The following NLGN1 variants were observed in gnomAD, a reference collection of about 807,000 sequenced individuals.
NLGN1 encodes the protein neuroligin-1.
NLGN1 carries 12 observed loss-of-function variants against 65.5 expected under a neutral mutation model. That is an observed-to-expected ratio of 0.18 (90% CI 0.12 to 0.30). The LOEUF is 0.30. NLGN1 is among the 10% of genes least tolerant of loss of function. The probability of loss-of-function intolerance (pLI) is 1.00; values close to 1 mark genes in which losing one functional copy is unlikely to be tolerated. For missense variants in NLGN1, 750 were observed against 1,007.1 expected, an observed-to-expected ratio of 0.74 and a Z score of 3.46; for synonymous variants, 350 against 359.5, an observed-to-expected ratio of 0.97 and a Z score of 0.30.
intron 4 of NLGN1, among the ~76,000 whole-genome samples, chr3:173,970,449 G>C (rs1715973536): frequency 6.6e-6 from 1 of 152,068 alleles, no homozygotes; most frequent in Non-Finnish European, 1.5e-5. Context: ...CGGAAGTTCA[G>C]TGTGGCTGCA....
chr3:173,738,035 C>T (rs977439389), intron 3 of NLGN1, among the ~76,000 whole-genome samples: 1 of 151,898 alleles, frequency 6.6e-6, no homozygotes, highest in African/African-American at 2.4e-5. Flanking sequence ...TGCTTGTTGG[C>T]CATTTCTATA....
At chr3:174,282,966 A>G (rs1751715350) in exon 7 of NLGN1, 1 of 152,020 alleles carries the variant, frequency 6.6e-6, no homozygotes, top group Non-Finnish European at 1.5e-5. Flanking sequence ...ATTGTATACT[A>G]CTTGATGGAA....
intron 3 of NLGN1, among the ~76,000 whole-genome samples, chr3:173,751,326 G>A (rs1466859964): frequency 6.6e-6 from 1 of 151,930 alleles, no homozygotes; most frequent in African/African-American, 2.4e-5. Flanking sequence ...GAAACATATA[G>A]TATGTTTATC....
At chr3:174,206,580 C>G (rs1007003858) in intron 4 of NLGN1, among the ~76,000 whole-genome samples, 4 of 152,198 alleles carry the variant, frequency 2.6e-5, no homozygotes, top group Non-Finnish European at 5.9e-5. Context: ...TCATTTTAAA[C>G]TGCTTTGCAA....
chr3:174,282,480 C>A (rs779423860), exon 7 of NLGN1: 78 of 152,202 alleles, frequency 5.1e-4, no homozygotes, highest in Non-Finnish European at 7.7e-4. Context: ...ACTTATCTTT[C>A]TCACTGAGGT....
chr3:174,280,938 A>G lies in NLGN1; in HGVS notation c.2107A>G (p.Lys703Glu), dbSNP rs780565439. Residue 703 changes from lysine to glutamate, a missense_variant, in exon 7 of 7, where the codon AAG becomes GAG. Transcript: ENST00000457714. This position sits in a 1 kb window ranked among gnomAD's most constrained non-coding sequence, Gnocchi z 4.9. Reference sequence around the variant, plus strand: ...TGCAGCCCTGTACTACAAAAAGGATAAGAGGAGACATGATGTTCACAGGAG... The same window carrying G: ...TGCAGCCCTGTACTACAAAAAGGATGAGAGGAGACATGATGTTCACAGGAG... The G allele has an allele frequency of 1.2e-6, 2 of 1,613,204 alleles. No homozygotes were observed. The highest frequency in any genetic ancestry group is 1.7e-6 in the Non-Finnish European group (2 of 1,179,584).
At chr3:174,293,012 A>T in the NLGN1 span, among the ~76,000 whole-genome samples, 80,772 of 151,160 alleles carry the variant, frequency 0.53, 22,605 homozygotes, top group East Asian at 0.69. Context: ...ATTTTCTTGT[A>T]TCCTCAATAA....
intron 3 of NLGN1, among the ~76,000 whole-genome samples, chr3:173,701,682 GA>G (rs944047469): frequency 1.3e-5 from 2 of 152,182 alleles, no homozygotes; most frequent in Non-Finnish European, 1.5e-5. Context: ...TCTGAGGTTT[GA>G]ATTAGAACAG....
At chr3:173,784,531 G>A (rs1455463840) in intron 3 of NLGN1, among the ~76,000 whole-genome samples, 4 of 152,060 alleles carry the variant, frequency 2.6e-5, no homozygotes, top group Non-Finnish European at 4.4e-5. Flanking sequence ...CACACAGACC[G>A]TACCTAGAGG....
chr3:173,453,747 C>T (rs1482964458), intron 2 of NLGN1, among the ~76,000 whole-genome samples: 1 of 152,150 alleles, frequency 6.6e-6, no homozygotes, highest in African/African-American at 2.4e-5. Flanking sequence ...GCTGTTTTTA[C>T]CAGATCTGCA....
At chr3:173,621,723 A>AT (rs1754022020) in intron 3 of NLGN1, among the ~76,000 whole-genome samples, 2 of 152,136 alleles carry the variant, frequency 1.3e-5, no homozygotes, top group African/African-American at 4.8e-5. Context: ...AAGTGACTGC[A>AT]TATGGGGGTG....
At chr3:173,693,318 A>G (rs920876547) in intron 3 of NLGN1, among the ~76,000 whole-genome samples, 2 of 152,088 alleles carry the variant, frequency 1.3e-5, no homozygotes, top group East Asian at 3.9e-4. Flanking sequence ...TTTACTTACC[A>G]ACTATGGAAA....
intron 2 of NLGN1, among the ~76,000 whole-genome samples, chr3:173,561,492 A>C (rs1367908047): frequency 1.3e-5 from 2 of 152,214 alleles, no homozygotes; most frequent in Non-Finnish European, 2.9e-5. Context: ...ATGGCTGTAG[A>C]TATATCTCTC....
intron 3 of NLGN1, among the ~76,000 whole-genome samples, chr3:173,779,825 G>A (rs757271361): frequency 3.8e-4 from 58 of 152,088 alleles, no homozygotes; most frequent in Non-Finnish European, 5.3e-4. Context: ...AAAGATGAGT[G>A]GCAGAATATG....
chr3:174,194,844 GATTTT>G (rs1487117726), intron 4 of NLGN1, among the ~76,000 whole-genome samples: 7 of 143,182 alleles, frequency 4.9e-5, no homozygotes, highest in Non-Finnish European at 9.1e-5. Flanking sequence ...AACCATTCAA[GATTTT>G]TTTTTCTTTT....
chr3:173,946,070 C>T (rs191832772), intron 4 of NLGN1, among the ~76,000 whole-genome samples: 173 of 152,306 alleles, frequency 1.1e-3, no homozygotes, highest in Admixed American at 2.8e-3. Context: ...GCTTTTTCCT[C>T]ACAGACTCAC....
At chr3:173,580,533 T>C (rs1746228456) in intron 2 of NLGN1, among the ~76,000 whole-genome samples, 1 of 152,026 alleles carries the variant, frequency 6.6e-6, no homozygotes, top group African/African-American at 2.4e-5. Context: ...TATTGTTTGA[T>C]CTATTAAGTC....
At chr3:173,887,711 T>A (rs925085168) in intron 4 of NLGN1, among the ~76,000 whole-genome samples, 1 of 151,594 alleles carries the variant, frequency 6.6e-6, no homozygotes, top group Non-Finnish European at 1.5e-5. Flanking sequence ...CAATCATTTT[T>A]AAAATATACT....
At chr3:173,746,976 T>C (rs1283907997) in intron 3 of NLGN1, among the ~76,000 whole-genome samples, 1 of 151,614 alleles carries the variant, frequency 6.6e-6, no homozygotes, top group Admixed American at 6.6e-5. Flanking sequence ...GGAGAATAGC[T>C]TGAACCCAAG....
Sources: gnomAD v4.1 joint callset for allele counts (sites outside exome capture counted in the v4.1 genomes callset) on GRCh38, gnomAD v4.1.1 for gene constraint, Gnocchi (gnomAD v3.1) non-coding constraint, MANE v1.5 for transcripts, NCBI Gene and HGNC (gene_info 2026-07-23, HGNC 2026-07-21) for gene names.